The following DPY19L2 variants were observed in gnomAD, a reference collection of about 807,000 sequenced individuals.
DPY19L2 encodes dpy-19 like 2, also known as probable C-mannosyltransferase DPY19L2.
DPY19L2 carries 34 observed loss-of-function variants against 97.9 expected under a neutral mutation model. The ratio of observed to expected loss-of-function variants is 0.35; its 90% CI spans 0.26 to 0.46. The LOEUF (loss-of-function observed/expected upper bound fraction) is 0.46, where lower values mean the gene tolerates loss of function less well. Among genes scored for constraint, DPY19L2 ranks in the 20% least tolerant of loss-of-function variants. DPY19L2 has a pLI of 1.00. For missense variants in DPY19L2, 623 were observed against 911.4 expected, an observed-to-expected ratio of 0.68 and a Z score of 4.07; for synonymous variants, 230 against 307.9, an observed-to-expected ratio of 0.75 and a Z score of 2.65.
rs144697895 is a variant in DPY19L2, at chr12:63,656,462, A to G, written c.588+4882T>C. Among the ~76,000 whole-genome samples, 441 of 152,280 alleles carry G rather than the reference A, an allele frequency of 2.9e-3. 3 individuals are homozygous for G. Among genetic ancestry groups the G allele is most frequent in the African/African-American group, 9.2e-3 (383 of 41,556 alleles). On this transcript the variant is annotated intron_variant, in intron 4 of 21. Transcript: ENST00000324472. ...GATAGTCTCTGTCTCATACTCTTTA[A>G]TGCGTTTACATTTACCCCTAGGTTT...
chr12:63,628,363 T>C (rs1278375308), intron 6 of DPY19L2, among the ~76,000 whole-genome samples: 4 of 152,292 alleles, frequency 2.6e-5, no homozygotes, highest in Non-Finnish European at 4.4e-5. Flanking sequence ...GGGTCACTCC[T>C]ACCCTAACAG....
At chr12:63,565,631 C>T (rs1405233938) in intron 21 of DPY19L2, among the ~76,000 whole-genome samples, 2 of 152,092 alleles carry the variant, frequency 1.3e-5, no homozygotes, top group Admixed American at 6.6e-5. Context: ...ACATGGCCAT[C>T]GTGGGGGGCT....
intron 11 of DPY19L2, among the ~76,000 whole-genome samples, chr12:63,612,541 C>T (rs1235463415): frequency 3.4e-5 from 5 of 148,796 alleles, no homozygotes; most frequent in Admixed American, 6.7e-5. Context: ...TAGCACTAAA[C>T]ACCTGTGTTT....
At chr12:63,603,231 A>G (rs1029681267) in intron 12 of DPY19L2, among the ~76,000 whole-genome samples, 4 of 152,186 alleles carry the variant, frequency 2.6e-5, no homozygotes, top group Non-Finnish European at 5.9e-5. Flanking sequence ...AAAATAAAGC[A>G]AAAAAAGTAC....
At chr12:63,599,727 A>G (rs12818709) in intron 13 of DPY19L2, among the ~76,000 whole-genome samples, 60,909 of 151,930 alleles carry the variant, frequency 0.4, 12,222 homozygotes, top group East Asian at 0.48. Context: ...GCAGGGACTT[A>G]GGCCTTGAAA....
chr12:63,580,175 T>C (rs1311626136), intron 19 of DPY19L2, among the ~76,000 whole-genome samples: 8 of 151,518 alleles, frequency 5.3e-5, no homozygotes, highest in Non-Finnish European at 8.8e-5. Flanking sequence ...TCCAAGATTT[T>C]CTCTTCTGCC....
At position 63,610,841 on chromosome 12, in the gene DPY19L2, CAAAAAAAAAAAAAAAAAAAA is replaced by C. The variant is rs56044043; in HGVS notation, c.1219-2186_1219-2167del. Among the ~76,000 whole-genome samples the C allele has an allele frequency of 8.2e-3, 88 of 10,782 alleles. 2 individuals are homozygous for C. Among genetic ancestry groups the C allele is most frequent in the East Asian group, 0.016 (4 of 252 alleles). 7.1% of individuals were successfully genotyped at this position (10,782 alleles called of 152,430 possible). On this transcript the variant is annotated intron_variant, in intron 11 of 21. Transcript: ENST00000324472. ...AGGCCAGTACCTCTGATGAATATAG[CAAAAAAAAAAAAAAAAAAAA>C]AAAAAAAAAAAAAACCACACACACA... is the stretch of plus-strand genomic sequence containing the variant.
intron 4 of DPY19L2, among the ~76,000 whole-genome samples, chr12:63,648,728 A>G (rs1893779262): frequency 6.6e-6 from 1 of 152,052 alleles, no homozygotes; most frequent in Non-Finnish European, 1.5e-5. Context: ...GAGTGATACC[A>G]GAGGTATCTA....
intron 12 of DPY19L2, among the ~76,000 whole-genome samples, chr12:63,607,861 G>C (rs903822808): frequency 3.1e-4 from 47 of 151,684 alleles, no homozygotes; most frequent in African/African-American, 1.1e-3. Context: ...TCAAACTCCT[G>C]GGCTGAAGCT....
chr12:63,597,091 G>C (rs933015152), intron 14 of DPY19L2, among the ~76,000 whole-genome samples: 1 of 151,792 alleles, frequency 6.6e-6, no homozygotes, highest in African/African-American at 2.4e-5. Flanking sequence ...TCCTGTCTCA[G>C]CCTCCTACTC....
In DPY19L2 at chr12:63,594,272, T is replaced by C. The variant is rs546733977; in HGVS notation, c.1534-139A>G. ...AAGGGAGTCCTCAGGAACAGGACGG[T>C]CATACTATAGATGCCTTCCTTTTCT... On this transcript the variant is annotated intron_variant, in intron 15 of 21. Transcript: ENST00000324472. 13 of 604,762 alleles carry C rather than the reference T, an allele frequency of 2.1e-5. 1 individual carries two copies. Among genetic ancestry groups the C allele is most frequent in the Non-Finnish European group, 3.1e-5 (11 of 356,594 alleles). The allele number at this position is 604,762 out of a possible 1,614,324, so 37.5% of individuals were successfully genotyped here.
chr12:63,617,477 C>T (rs1888045048), intron 10 of DPY19L2, 87 bp from the exon 11 acceptor site: 2 of 807,188 alleles, frequency 2.5e-6, no homozygotes, highest in East Asian at 2.9e-5. Context: ...ATTTCTAATG[C>T]AAATTTATTT....
chr12:63,591,644 CAATA>C (rs1882937194), intron 16 of DPY19L2, among the ~76,000 whole-genome samples: 1 of 151,776 alleles, frequency 6.6e-6, no homozygotes, highest in African/African-American at 2.4e-5. Flanking sequence ...AAATGTTATA[CAATA>C]AATAGTTTTA....
At chr12:63,655,120 A>C (rs1018371923) in intron 4 of DPY19L2, among the ~76,000 whole-genome samples, 5 of 152,150 alleles carry the variant, frequency 3.3e-5, no homozygotes, top group African/African-American at 7.2e-5. Flanking sequence ...GGAACATCCT[A>C]AGATCCAAAA....
chr12:63,588,953 C>T (rs926027585), intron 16 of DPY19L2, among the ~76,000 whole-genome samples: 2 of 151,798 alleles, frequency 1.3e-5, no homozygotes, highest in African/African-American at 4.8e-5. Flanking sequence ...CGGGGTTTCA[C>T]CATGTTAGCC....
intron 9 of DPY19L2, among the ~76,000 whole-genome samples, chr12:63,620,643 G>A (rs11503704): frequency 0.05 from 7,598 of 151,970 alleles, 558 homozygotes; most frequent in African/African-American, 0.17. Flanking sequence ...CTTTTAGGGC[G>A]TAAATGTAAC....
intron 6 of DPY19L2, among the ~76,000 whole-genome samples, chr12:63,641,439 C>T (rs897458029): frequency 6.6e-5 from 10 of 151,914 alleles, no homozygotes; most frequent in South Asian, 6.2e-4. Context: ...TGCCAGCCTC[C>T]AAGATAAGAA....
chr12:63,634,014 G>A (rs6581497), intron 6 of DPY19L2, among the ~76,000 whole-genome samples: 62,225 of 150,688 alleles, frequency 0.41, 12,708 homozygotes, highest in South Asian at 0.47. Flanking sequence ...ATTGAACAAT[G>A]AGAACACATG....
chr12:63,600,204 C>CT, intron 13 of DPY19L2, 102 bp downstream of exon 13: 1 of 989,272 alleles, frequency 1.0e-6, no homozygotes, highest in South Asian at 1.5e-5. Context: ...AGAGAAGGCA[C>CT]TTAACCTCTG....
Sources: allele counts gnomAD v4.1 joint callset (sites outside exome capture counted in the v4.1 genomes callset), GRCh38; gene constraint gnomAD v4.1.1; transcripts MANE v1.5; gene names NCBI Gene and HGNC (gene_info 2026-07-23, HGNC 2026-07-21).